The following NFATC1 variants were observed in gnomAD, a reference collection of about 807,000 sequenced individuals.
The protein encoded by NFATC1 is nuclear factor of activated T-cells, cytoplasmic 1.
A neutral mutation model predicts 76.0 loss-of-function variants in NFATC1; 22 were observed. The ratio of observed to expected loss-of-function variants is 0.29; its 90% CI spans 0.21 to 0.41. The LOEUF is 0.41. Among genes scored for constraint, NFATC1 ranks in the 10% least tolerant of loss-of-function variants. The probability of loss-of-function intolerance (pLI) is 1.00; values close to 1 mark genes in which losing one functional copy is unlikely to be tolerated. For missense variants in NFATC1, 1,357 were observed against 1,337.7 expected (o/e 1.01, Z -0.23); for synonymous variants, 704 against 613.1 (o/e 1.15, Z -2.19).
chr18:79,491,832 G>GT (rs1555917741), intron 9 of NFATC1, among the ~76,000 whole-genome samples: 1 of 152,070 alleles, frequency 6.6e-6, no homozygotes, highest in Non-Finnish European at 1.5e-5. Flanking sequence ...CGGGGACTCA[G>GT]CCCCGGCCCC....
At chr18:79,451,921 G>T in intron 6 of NFATC1, 105 bp downstream of exon 6, 2 of 1,387,968 alleles carry the variant, frequency 1.4e-6, no homozygotes, top group Non-Finnish European at 1.9e-6. Context: ...CACCGGGACG[G>T]GGCTTATGGG....
At chr18:79,472,363 G>T (rs1235124469) in intron 8 of NFATC1, among the ~76,000 whole-genome samples, 1 of 152,142 alleles carries the variant, frequency 6.6e-6, no homozygotes, top group Non-Finnish European at 1.5e-5. Context: ...CAAGGGATCC[G>T]CCTGATTGCA....
At chr18:79,454,594 G>A (rs113864961) in intron 6 of NFATC1, among the ~76,000 whole-genome samples, 14,048 of 152,244 alleles carry the variant, frequency 0.092, 858 homozygotes, top group Non-Finnish European at 0.13. Flanking sequence ...CTCAGCCTGC[G>A]CTCCACGGAG....
chr18:79,467,356 C>T lies in NFATC1; in HGVS notation c.1960-94C>T, dbSNP rs1031501966. 9 of 1,279,658 alleles carry T rather than the reference C, an allele frequency of 7.0e-6. No homozygotes were observed. The African/African-American group carries it at 9.6e-5, about 14-fold the overall frequency. 79.3% of individuals were successfully genotyped at this position (1,279,658 alleles called of 1,614,324 possible). The stretch of plus-strand genomic sequence containing the variant: ...AAACGCGGGGTTGCCGTGTGGCCGC[C>T]GTGGAAACGCGGGGTTGCCGTGTGG... On this transcript the variant is annotated intron_variant, in intron 7 of 9. Transcript: ENST00000427363.
chr18:79,438,922 T>C (rs761201011), intron 3 of NFATC1, among the ~76,000 whole-genome samples: 1 of 152,228 alleles, frequency 6.6e-6, no homozygotes, highest in African/African-American at 2.4e-5. Flanking sequence ...TTTTCTGTCA[T>C]GTAAGAAACT....
chr18:79,464,695 T>TA (rs1491587728), intron 7 of NFATC1, among the ~76,000 whole-genome samples: 26 of 84,080 alleles, frequency 3.1e-4, no homozygotes, highest in African/African-American at 8.9e-4. Flanking sequence ...TATATATATA[T>TA]TTATTTATTT....
Position 79,486,868 on chromosome 18 carries a change from A to G in NFATC1, c.2713A>G (p.Asn905Asp). The part of the protein sequence containing the change: ...LPEVHEDGSP[N>D]LAPIPVTVKR... ...AGAGGTGCATGAGGACGGTAGTCCT[A>G]ATTTGGCCCCTATTCCTGTAACGGT... The change falls in exon 9 of 10, where the codon AAT (asparagine) becomes GAT (aspartate). Residue 905 changes from asparagine to aspartate, a missense_variant. Asn to Asp is a conservative substitution (Grantham distance 23, BLOSUM62 1). This residue lies in a region of NFATC1 where 424 missense variants were observed against 395.4 expected (regional missense o/e 1.07). Transcript: ENST00000427363. 1 of 1,611,590 alleles carries G rather than the reference A, an allele frequency of 6.2e-7. No individual in the cohort carries two copies. The highest frequency in any genetic ancestry group is 8.5e-7 in the Non-Finnish European group (1 of 1,179,386).
At position 79,457,729 on chromosome 18, in the gene NFATC1, C is replaced by T. The variant is rs528701131; in HGVS notation, c.1904-3582C>T. 9.8e-5 allele frequency among the ~76,000 whole-genome samples: 15 copies of T among 152,336 alleles called. No individual in the cohort carries two copies. In the South Asian group the frequency reaches 2.3e-3, roughly 23 times the overall value. On this transcript the variant is annotated intron_variant, in intron 6 of 9. Coordinates refer to ENST00000427363, the MANE Select transcript of NFATC1 (RefSeq NM_001278669.2). ...ACCCCTGCTCTCCCTTCCCCCACCC[C>T]GGCTCCGACAACCCCAATGCCCCCT...
chr18:79,433,883 G>A lies in NFATC1; in HGVS notation c.1386+145G>A, dbSNP rs911406295. 25 of 917,098 alleles carry A rather than the reference G, an allele frequency of 2.7e-5. No homozygotes were observed. The East Asian group carries it at 2.9e-4, about 11-fold the overall frequency. The allele number at this position is 917,098 out of a possible 1,614,324, so 56.8% of individuals were successfully genotyped here. The stretch of plus-strand genomic sequence containing the variant: ...GGTTAGTCCCGGGCGGCTGCTCACC[G>A]CCTCTGAGCTGGAATGGGAGCATGC... On this transcript the variant is annotated intron_variant, in intron 3 of 9. Transcript: ENST00000427363.
intron 2 of NFATC1, among the ~76,000 whole-genome samples, chr18:79,432,286 G>A (rs1050699190): frequency 6.6e-6 from 1 of 151,970 alleles, no homozygotes; most frequent in African/African-American, 2.4e-5. Flanking sequence ...TGTGGAGGGT[G>A]ACCTCAGGAG....
At chr18:79,484,121 G>C (rs564959008) in intron 8 of NFATC1, among the ~76,000 whole-genome samples, 23 of 151,894 alleles carry the variant, frequency 1.5e-4, no homozygotes, top group Non-Finnish European at 1.9e-4. Flanking sequence ...CTGACGAGGC[G>C]GGGGGAGCAC....
rs766704740 is a variant in NFATC1, at chr18:79,410,728, C to T, written c.453C>T (p.Ser151=). 5 of 1,612,970 alleles carry T rather than the reference C, an allele frequency of 3.1e-6. No homozygotes were observed. The highest frequency in any genetic ancestry group is 1.3e-5 in the African/African-American group (1 of 74,930). The change falls in exon 2 of 10, where the codon TCC becomes TCT. Residue 151 remains serine, a synonymous_variant. Transcript: ENST00000427363. The surrounding 1 kb of genome is among the most constrained non-coding windows in gnomAD (Gnocchi z 6.7). Reference sequence around the variant, plus strand: ...ACGTCCTCCCTAGCTCCAAACGGTCCCCCTCCACGGCCACGCTGAGTCTGC... The same window carrying T: ...ACGTCCTCCCTAGCTCCAAACGGTCTCCCTCCACGGCCACGCTGAGTCTGC... ...VEDVLPSSKR[S]PSTATLSLPS...
At chr18:79,523,531 C>T (rs1055719600) in intron 9 of NFATC1, among the ~76,000 whole-genome samples, 9 of 152,270 alleles carry the variant, frequency 5.9e-5, no homozygotes, top group Admixed American at 1.3e-4. Flanking sequence ...TGAGAGCTTG[C>T]GTGGCCCCAG....
At chr18:79,444,738 C>G (rs2087131125) in intron 3 of NFATC1, among the ~76,000 whole-genome samples, 1 of 142,084 alleles carries the variant, frequency 7.0e-6, no homozygotes, top group South Asian at 2.1e-4. Context: ...CGTGGGCACA[C>G]ACGTGCCCGA....
chr18:79,398,259 A>G (rs990976991), intron 1 of NFATC1, among the ~76,000 whole-genome samples: 7 of 152,228 alleles, frequency 4.6e-5, no homozygotes. Flanking sequence ...TCCAGACACA[A>G]TGCCCCACGG....
intron 2 of NFATC1, among the ~76,000 whole-genome samples, chr18:79,432,783 A>G (rs2086644839): frequency 6.6e-6 from 1 of 152,238 alleles, no homozygotes; most frequent in African/African-American, 2.4e-5. Context: ...GGCCTCCTAC[A>G]GAACACAGTT....
At chr18:79,400,631 C>A (rs1208803434) in intron 1 of NFATC1, 5 of 671,242 alleles carry the variant, frequency 7.4e-6, no homozygotes, top group Non-Finnish European at 8.5e-6. Flanking sequence ...CGCTGCAGTG[C>A]GGGGCGTCCT....
Position 79,410,936 on chromosome 18 carries a change from T to G in NFATC1, c.661T>G (p.Phe221Val). 1 of 1,603,938 alleles carries G rather than the reference T, an allele frequency of 6.2e-7. No individual in the cohort carries two copies. The highest frequency in any genetic ancestry group is 1.3e-5 in the African/African-American group (1 of 74,902). ...SPKTTDPEEG[F>V]PRGLGACTLL... is the part of the protein sequence containing the mutation. Reference sequence around the variant, plus strand: ...CAAGACCACGGACCCCGAGGAGGGCTTTCCCCGCGGGCTGGGGGCCTGCAC... The same window carrying G: ...CAAGACCACGGACCCCGAGGAGGGCGTTCCCCGCGGGCTGGGGGCCTGCAC... The change falls in exon 2 of 10, where the codon TTT becomes GTT. Residue 221 changes from phenylalanine (F) to valine (V), a missense_variant. Around this residue, in one of 3 missense-constraint regions of NFATC1, gnomAD observed 691 missense variants for 613.1 expected, o/e 1.13. Transcript: ENST00000427363. This position sits in a 1 kb window ranked among gnomAD's most constrained non-coding sequence, Gnocchi z 6.7.
intron 9 of NFATC1, chr18:79,497,343 G>C (rs142045769): frequency 6.6e-6 from 1 of 152,194 alleles, no homozygotes; most frequent in Non-Finnish European, 1.5e-5. Flanking sequence ...GGGAAGAACA[G>C]GATGGCAGCG....
Sources: gnomAD v4.1 joint callset for allele counts (sites outside exome capture counted in the v4.1 genomes callset) on GRCh38, gnomAD v4.1.1 for gene constraint, gnomAD v4.1.1 regional missense constraint, Gnocchi (gnomAD v3.1) non-coding constraint, MANE v1.5 for transcripts, NCBI Gene and HGNC (gene_info 2026-07-23, HGNC 2026-07-21) for gene names.